The following APC variants were observed in gnomAD, a reference collection of about 807,000 sequenced individuals.
The protein encoded by APC is adenomatous polyposis coli protein.
In APC, 72 loss-of-function variants were observed where a neutral mutation model predicts 247.0. The ratio of observed to expected loss-of-function variants is 0.29; its 90% CI spans 0.24 to 0.35. The LOEUF (loss-of-function observed/expected upper bound fraction) is 0.35. APC is among the 10% of genes least tolerant of loss of function. The pLI is 1.00. For missense variants in APC, 3,400 were observed against 3,360.7 expected (o/e 1.01, Z -0.29); for synonymous variants, 1,254 against 1,162.5 (o/e 1.08, Z -1.60).
At chr5:112,772,308 G>A (rs1757145269) in intron 4 of APC, among the ~76,000 whole-genome samples, 1 of 152,120 alleles carries the variant, frequency 6.6e-6, no homozygotes, top group Non-Finnish European at 1.5e-5. Flanking sequence ...CTGCTGTTGT[G>A]TGAGTCACAA....
chr5:112,764,749 A>G (rs1163352009), intron 2 of APC, among the ~76,000 whole-genome samples: 1 of 152,202 alleles, frequency 6.6e-6, no homozygotes, highest in Admixed American at 6.5e-5. Flanking sequence ...ATAAGATTAA[A>G]AAAGGATTAT....
At position 112,838,551 on chromosome 5, in the gene APC, A is replaced by G. The variant is rs730881243; in HGVS notation, c.2957A>G (p.Tyr986Cys). The change falls in exon 16 of 16, where the codon TAT becomes TGT. Residue 986 changes from tyrosine (Y) to cysteine (C), a missense_variant. By Grantham distance (194) the Tyr-to-Cys change is radical (BLOSUM62 -2). This residue lies in a region of APC where 715 missense variants were observed against 656.6 expected (regional missense o/e 1.09). Transcript: ENST00000257430. Reference protein sequence around the residue: ...RGQMKPSIESYSEDDESKFCS... With the variant: ...RGQMKPSIESCSEDDESKFCS... ...CAAATGAAACCCTCGATTGAATCCT[A>G]TTCTGAAGATGATGAAAGTAAGTTT... 4.3e-6 allele frequency: 7 copies of G among 1,614,240 alleles called. No homozygotes were observed. Among genetic ancestry groups the G allele is most frequent in the Admixed American group, 1.7e-5 (1 of 60,032 alleles).
intron 1 of APC, among the ~76,000 whole-genome samples, chr5:112,744,062 G>T (rs1753349785): frequency 6.6e-6 from 1 of 151,666 alleles, no homozygotes; most frequent in African/African-American, 2.4e-5. Context: ...GGCTGGTCTC[G>T]AACTCCTGTC....
At chr5:112,801,241 C>A in intron 7 of APC, 38 bp from the exon 8 acceptor site, 1 of 1,560,842 alleles carries the variant, frequency 6.4e-7, no homozygotes, top group South Asian at 1.1e-5. Context: ...AAGCCTACAC[C>A]ATTTTTGCAT....
intron 7 of APC, among the ~76,000 whole-genome samples, chr5:112,799,647 A>G (rs540256203): frequency 2.0e-5 from 3 of 152,304 alleles, no homozygotes; most frequent in South Asian, 2.1e-4. Context: ...TGTGGGGGCA[A>G]TCATGCAGTG....
chr5:112,806,746 T>G (rs1761443872), intron 8 of APC, among the ~76,000 whole-genome samples: 3 of 152,052 alleles, frequency 2.0e-5, no homozygotes, highest in African/African-American at 7.3e-5. Flanking sequence ...CTGGCTAATT[T>G]TTTAATTTTT....
chr5:112,737,382 A>G (rs567015923), upstream of APC, among the ~76,000 whole-genome samples: 4 of 152,336 alleles, frequency 2.6e-5, no homozygotes, highest in Non-Finnish European at 4.4e-5. Flanking sequence ...TCTGGTAACT[A>G]TTTTTAATTC....
rs1561613753 is a variant in APC, at chr5:112,842,813, G to A, written c.7219G>A (p.Gly2407Ser). ...ASKGLNQMNN[G>S]NGANKKVELS... is the part of the protein sequence containing the mutation. ...CAAAGGACTAAATCAGATGAATAAT[G>A]GTAATGGAGCCAATAAAAAGGTAGA... The change falls in exon 16 of 16, where the codon GGT (glycine) becomes AGT (serine). Residue 2407 changes from glycine to serine, a missense_variant. By Grantham distance (56) the Gly-to-Ser change is moderately conservative. This residue lies in a region of APC where 1,788 missense variants were observed against 1,649.5 expected (regional missense o/e 1.08). Coordinates refer to ENST00000257430, the MANE Select transcript of APC (RefSeq NM_000038.6). 4 of 1,613,378 alleles carry A rather than the reference G, an allele frequency of 2.5e-6. No individual in the cohort carries two copies. The highest frequency in any genetic ancestry group is 3.4e-6 in the Non-Finnish European group (4 of 1,179,434).
At chr5:112,763,613 G>A (rs1316274625) in intron 2 of APC, among the ~76,000 whole-genome samples, 3 of 151,912 alleles carry the variant, frequency 2.0e-5, no homozygotes, top group Admixed American at 6.6e-5. Context: ...ATGTACGAAG[G>A]ATTTTTTATT....
At chr5:112,728,191 G>A (rs1378081287) in intron 1 of APC, among the ~76,000 whole-genome samples, 2 of 151,894 alleles carry the variant, frequency 1.3e-5, no homozygotes, top group African/African-American at 4.8e-5. Context: ...GCAGTGTTGT[G>A]ATCTCAGCTC....
chr5:112,744,255 TTGTCTTAC>T (rs1239060109), intron 1 of APC, among the ~76,000 whole-genome samples: 5 of 152,214 alleles, frequency 3.3e-5, no homozygotes, highest in Non-Finnish European at 5.9e-5. Context: ...ACAAGGCATA[TTGTCTTAC>T]TTTTTTTATG....
chr5:112,792,567 T>C (rs760680699), intron 7 of APC, 38 bp downstream of exon 7: 2 of 1,422,628 alleles, frequency 1.4e-6, no homozygotes, highest in South Asian at 2.3e-5. Context: ...GGTATAAAAA[T>C]AGGTAGTTAT....
intron 2 of APC, among the ~76,000 whole-genome samples, chr5:112,762,203 A>G (rs544357527): frequency 1.1e-3 from 171 of 152,320 alleles, no homozygotes; most frequent in Non-Finnish European, 1.9e-3. Flanking sequence ...TACTCAAATG[A>G]CTGATGTTTA....
intron 1 of APC, among the ~76,000 whole-genome samples, chr5:112,709,572 G>A (rs1301504693): frequency 6.6e-6 from 1 of 152,138 alleles, no homozygotes; most frequent in Non-Finnish European, 1.5e-5. Context: ...TTGTAGCTCT[G>A]TATCAAAAAA....
intron 9 of APC, among the ~76,000 whole-genome samples, chr5:112,818,433 T>C (rs1418312574): frequency 7.8e-6 from 1 of 127,820 alleles, no homozygotes; most frequent in Non-Finnish European, 1.7e-5. Flanking sequence ...TTTTTAAATT[T>C]ATAATCGTAT....
At chr5:112,760,876 C>G (rs1214789902) in intron 2 of APC, among the ~76,000 whole-genome samples, 1 of 151,648 alleles carries the variant, frequency 6.6e-6, no homozygotes, top group African/African-American at 2.4e-5. Context: ...GTGGCACAGT[C>G]TTGGCTCACT....
chr5:112,772,325 C>G (rs766295201), intron 4 of APC, among the ~76,000 whole-genome samples: 6 of 152,108 alleles, frequency 3.9e-5, no homozygotes, highest in Non-Finnish European at 7.4e-5. Flanking sequence ...ACAAGGTCAA[C>G]TACCATAATT....
At chr5:112,835,724 C>T (rs1469281827) in intron 15 of APC, among the ~76,000 whole-genome samples, 2 of 151,836 alleles carry the variant, frequency 1.3e-5, no homozygotes, top group Non-Finnish European at 2.9e-5. Flanking sequence ...AGATGCACGC[C>T]ACAACACCCG....
At chr5:112,740,157 A>G (rs1321697742) in intron 1 of APC, among the ~76,000 whole-genome samples, 1 of 152,250 alleles carries the variant, frequency 6.6e-6, no homozygotes, top group Non-Finnish European at 1.5e-5. Flanking sequence ...TTTATCTACA[A>G]TATAAGAATG....
Sources: gnomAD v4.1 joint callset for allele counts (sites outside exome capture counted in the v4.1 genomes callset) on GRCh38, gnomAD v4.1.1 for gene constraint, gnomAD v4.1.1 regional missense constraint, MANE v1.5 for transcripts, NCBI Gene and HGNC (gene_info 2026-07-23, HGNC 2026-07-21) for gene names.